Variants in PCCA observed in about 807,000 individuals in gnomAD.
PCCA encodes the protein propionyl-CoA carboxylase subunit alpha, also known as propionyl-CoA carboxylase alpha chain, mitochondrial.
PCCA carries 74 observed loss-of-function variants against 101.3 expected under a neutral mutation model. The observed-to-expected ratio is 0.73, with a 90% CI of 0.61 to 0.89. PCCA has a LOEUF of 0.89. Among genes scored for constraint, PCCA ranks in the 40% least tolerant of loss-of-function variants. The pLI, the probability that PCCA is intolerant of heterozygous loss-of-function variation, is 0.00. For missense variants in PCCA, 891 were observed against 907.0 expected (o/e 0.98, Z 0.23); for synonymous variants, 294 against 313.6 (o/e 0.94, Z 0.66).
chr13:100,103,288 T>C (rs1316580165), intron 2 of PCCA, among the ~76,000 whole-genome samples: 1 of 152,156 alleles, frequency 6.6e-6, no homozygotes, highest in Non-Finnish European at 1.5e-5. Flanking sequence ...AATTAAACTA[T>C]TGAGTTTTTC....
intron 19 of PCCA, among the ~76,000 whole-genome samples, chr13:100,419,314 A>C (rs1051577759): frequency 2.0e-5 from 3 of 151,912 alleles, no homozygotes; most frequent in Non-Finnish European, 4.4e-5. Context: ...TCTACTAAAA[A>C]TACAAAAATT....
At chr13:100,187,678 G>GAAA (rs1450915275) in intron 6 of PCCA, among the ~76,000 whole-genome samples, 1 of 151,990 alleles carries the variant, frequency 6.6e-6, no homozygotes, top group East Asian at 1.9e-4. Flanking sequence ...TTTTATTGTT[G>GAAA]AAAAAAACTT....
At chr13:100,362,629 T>C (rs2074743351) in intron 18 of PCCA, among the ~76,000 whole-genome samples, 1 of 152,130 alleles carries the variant, frequency 6.6e-6, no homozygotes, top group African/African-American at 2.4e-5. Context: ...AGTGTCTAAA[T>C]TGAGAACCTT....
At chr13:100,401,978 T>C (rs1424801991) in intron 19 of PCCA, among the ~76,000 whole-genome samples, 1 of 152,224 alleles carries the variant, frequency 6.6e-6, no homozygotes, top group Non-Finnish European at 1.5e-5. Flanking sequence ...TGCCTTTCAT[T>C]AAATGAGCTA....
At chr13:100,194,280 A>G (rs1483583430) in intron 6 of PCCA, among the ~76,000 whole-genome samples, 4 of 152,142 alleles carry the variant, frequency 2.6e-5, no homozygotes, top group Non-Finnish European at 5.9e-5. Context: ...ATTTCAGAAA[A>G]CACGAGGTTA....
intron 22 of PCCA, among the ~76,000 whole-genome samples, chr13:100,524,160 A>G (rs837329): frequency 0.56 from 84,787 of 152,140 alleles, 24,222 homozygotes; most frequent in East Asian, 0.78. Flanking sequence ...CCCTGCTCCC[A>G]AGGGCCGAGT....
chr13:100,194,471 G>A (rs2152454420), intron 6 of PCCA, among the ~76,000 whole-genome samples: 1 of 152,306 alleles, frequency 6.6e-6, no homozygotes, highest in Middle Eastern at 3.4e-3. Flanking sequence ...AGGCTGGAGT[G>A]CAGTGGTGCA....
chr13:100,215,537 T>C (rs28498276), intron 7 of PCCA, among the ~76,000 whole-genome samples: 6,107 of 152,282 alleles, frequency 0.04, 423 homozygotes, highest in African/African-American at 0.14. Context: ...CCCCCTCAGA[T>C]ACCAAAATTT....
chr13:100,514,976 G>A (rs753353328), intron 21 of PCCA, among the ~76,000 whole-genome samples: 5 of 152,160 alleles, frequency 3.3e-5, no homozygotes, highest in African/African-American at 7.2e-5. Flanking sequence ...TAGTGCAGCC[G>A]CTCTTGGAGG....
chr13:100,496,406 C>T lies in PCCA; in HGVS notation c.1900-19021C>T, dbSNP rs80348492. Reference sequence around the variant, plus strand: ...TCCGTGATCTTGACATTTTTGAAGACAGGCCATTTATTTTGTCAAATGGCT... The same window carrying T: ...TCCGTGATCTTGACATTTTTGAAGATAGGCCATTTATTTTGTCAAATGGCT... On this transcript the variant is annotated intron_variant, in intron 21 of 23. Coordinates refer to ENST00000376285, the MANE Select transcript of PCCA (RefSeq NM_000282.4). 4.4e-3 allele frequency among the ~76,000 whole-genome samples: 669 copies of T among 152,292 alleles called. 9 individuals carry two copies. The East Asian group carries it at 0.065, about 15-fold the overall frequency.
At chr13:100,375,996 G>A (rs1288107857) in intron 19 of PCCA, among the ~76,000 whole-genome samples, 2 of 152,210 alleles carry the variant, frequency 1.3e-5, no homozygotes, top group South Asian at 4.1e-4. Flanking sequence ...TTTTGTCTTT[G>A]ATGTTGGTGA....
At chr13:100,347,555 A>G (rs2072468153) in intron 18 of PCCA, among the ~76,000 whole-genome samples, 1 of 152,232 alleles carries the variant, frequency 6.6e-6, no homozygotes, top group Non-Finnish European at 1.5e-5. Flanking sequence ...TAAACACAAC[A>G]TTCCTTAGAG....
chr13:100,231,230 A>G (rs951793401), intron 7 of PCCA, among the ~76,000 whole-genome samples: 2 of 152,168 alleles, frequency 1.3e-5, no homozygotes, highest in South Asian at 2.1e-4. Flanking sequence ...GTTGGCCAAG[A>G]TGATGTCTTT....
intron 7 of PCCA, among the ~76,000 whole-genome samples, chr13:100,225,274 G>A (rs1361770880): frequency 6.6e-6 from 1 of 152,118 alleles, no homozygotes; most frequent in East Asian, 1.9e-4. Flanking sequence ...TGGAGGGAAG[G>A]ATCATTGATG....
At chr13:100,152,527 A>T (rs1034014813) in intron 4 of PCCA, among the ~76,000 whole-genome samples, 1 of 152,024 alleles carries the variant, frequency 6.6e-6, no homozygotes, top group African/African-American at 2.4e-5. Flanking sequence ...GCTCACTGCA[A>T]GCTCCGCCTC....
intron 18 of PCCA, among the ~76,000 whole-genome samples, chr13:100,359,555 T>G (rs1310905402): frequency 2.0e-5 from 3 of 152,126 alleles, no homozygotes; most frequent in Non-Finnish European, 4.4e-5. Context: ...AAAGTGAAAA[T>G]TAAAGTTCCA....
chr13:100,407,913 G>T (rs2077784631), intron 19 of PCCA, among the ~76,000 whole-genome samples: 1 of 152,184 alleles, frequency 6.6e-6, no homozygotes, highest in South Asian at 2.1e-4. Flanking sequence ...CACTTTGGGA[G>T]GCTGAGGTGG....
chr13:100,172,875 T>C (rs2055838217), intron 6 of PCCA, among the ~76,000 whole-genome samples: 1 of 152,168 alleles, frequency 6.6e-6, no homozygotes, highest in Non-Finnish European at 1.5e-5. Context: ...ACACAGCTGT[T>C]AGTGCCAGGG....
intron 1 of PCCA, among the ~76,000 whole-genome samples, chr13:100,099,721 C>A (rs1343043279): frequency 6.6e-6 from 1 of 152,038 alleles, no homozygotes; most frequent in East Asian, 1.9e-4. Context: ...TGTCTAAAAG[C>A]CTACCATTTC....
Sources: gnomAD v4.1 joint callset for allele counts (sites outside exome capture counted in the v4.1 genomes callset) on GRCh38, gnomAD v4.1.1 for gene constraint, MANE v1.5 for transcripts, NCBI Gene and HGNC (gene_info 2026-07-23, HGNC 2026-07-21) for gene names.